The following GCA variants were observed in gnomAD, a reference collection of about 807,000 sequenced individuals.
GCA encodes the protein grancalcin, EF-hand calcium-binding protein.
GCA carries 30 observed loss-of-function variants against 32.6 expected under a neutral mutation model. That is an observed-to-expected ratio of 0.92 (90% confidence interval 0.69 to 1.25). The LOEUF (loss-of-function observed/expected upper bound fraction) is 1.25, where lower values mean the gene tolerates loss of function less well. GCA is among the 50% of genes most tolerant of loss of function. GCA has a pLI of 0.00. For missense variants in GCA, 291 were observed against 266.8 expected (o/e 1.09, Z -0.63); for synonymous variants, 102 against 84.6 (o/e 1.21, Z -1.13).
At chr2:162,351,652 C>A (rs1486094821) in intron 2 of GCA, among the ~76,000 whole-genome samples, 2 of 152,014 alleles carry the variant, frequency 1.3e-5, no homozygotes, top group Non-Finnish European at 2.9e-5. Flanking sequence ...CCTCCTTGAT[C>A]CTTCATCATA....
chr2:162,348,893 T>C lies in GCA; in HGVS notation c.192+1151T>C, dbSNP rs13383182. Among the ~76,000 whole-genome samples, 1,165 of 152,198 alleles carry C rather than the reference T, an allele frequency of 7.7e-3. 12 individuals are homozygous for C. The highest frequency in any genetic ancestry group is 0.027 in the African/African-American group (1,108 of 41,552). ...AGAAGTATTGAGTAAATATTCAAGA[T>C]CGGAAGGAATACAATATTATAAGAT... On this transcript the variant is annotated intron_variant, in intron 2 of 7. Transcript: ENST00000437150.
At position 162,356,444 on chromosome 2, in the gene GCA, G is replaced by C; in HGVS notation, c.269G>C (p.Ser90Thr). Reference sequence around the variant, plus strand: ...TATTGAATATGTTTTACAGCCTTCAGTTTGGAAACCTGCAGAATTATGATT... The same window carrying C: ...TATTGAATATGTTTTACAGCCTTCACTTTGGAAACCTGCAGAATTATGATT... Reference protein sequence around the residue: ...SGINGTYSPFSLETCRIMIAM... With the variant: ...SGINGTYSPFTLETCRIMIAM... The change falls in exon 4 of 8, where the codon AGT becomes ACT. Residue 90 changes from serine to threonine, a missense_variant. Transcript: ENST00000437150. 1 of 1,561,372 alleles carries C rather than the reference G, an allele frequency of 6.4e-7. No homozygotes were observed. The highest frequency in any genetic ancestry group is 1.1e-5 in the South Asian group (1 of 89,714).
intron 1 of GCA, among the ~76,000 whole-genome samples, chr2:162,334,628 T>C (rs1485073985): frequency 6.6e-6 from 1 of 152,212 alleles, no homozygotes; most frequent in African/African-American, 2.4e-5. Flanking sequence ...AGCTAACCTC[T>C]AGCCACAGCA....
At chr2:162,368,975 T>C (rs1003828750) in intron 4 of GCA, among the ~76,000 whole-genome samples, 2 of 152,134 alleles carry the variant, frequency 1.3e-5, no homozygotes, top group African/African-American at 4.8e-5. Context: ...ATCATTGGAT[T>C]CAAATAAACT....
At chr2:162,327,836 A>T (rs1015564907) in intron 1 of GCA, among the ~76,000 whole-genome samples, 1 of 152,236 alleles carries the variant, frequency 6.6e-6, no homozygotes, top group Non-Finnish European at 1.5e-5. Flanking sequence ...ACTTAACATT[A>T]TAAAGAGATT....
chr2:162,333,070 C>G (rs1684152522), intron 1 of GCA, among the ~76,000 whole-genome samples: 1 of 152,082 alleles, frequency 6.6e-6, no homozygotes, highest in Non-Finnish European at 1.5e-5. Context: ...TAGACTGCCT[C>G]ATATTTATAT....
Position 162,344,258 on chromosome 2 carries a change from C to A in GCA, c.10C>A (p.Pro4Thr). The A allele has an allele frequency of 6.2e-7, 1 of 1,613,714 alleles. No homozygotes were observed. Among genetic ancestry groups the A allele is most frequent in the South Asian group, 1.1e-5 (1 of 91,084 alleles). MAYPGYGGGFGNFS... is the reference protein window; with the variant it reads MAYTGYGGGFGNFS... ...GCTCGTCCCGCTCGTCATGGCCTAC[C>A]CGGGATACGGAGGAGGGGTGAGTCC... The change falls in exon 1 of 8, where the codon CCG becomes ACG. Residue 4 changes from proline to threonine, a missense_variant. Physicochemically the swap from Pro to Thr is conservative, Grantham distance 38. Coordinates refer to ENST00000437150, the MANE Select transcript of GCA (RefSeq NM_012198.5).
downstream of GCA, among the ~76,000 whole-genome samples, chr2:162,375,023 C>G (rs1415127107): frequency 6.6e-6 from 1 of 152,154 alleles, no homozygotes; most frequent in Non-Finnish European, 1.5e-5. Flanking sequence ...ATGTGTTATA[C>G]ATATTTTTCT....
In GCA at chr2:162,347,716, A is replaced by G. The variant is rs767881330; in HGVS notation, c.166A>G (p.Thr56Ala). The G allele has an allele frequency of 1.1e-5, 17 of 1,583,412 alleles. No individual in the cohort carries two copies. In the East Asian group the frequency reaches 2.3e-4, roughly 21 times the overall value. The change falls in exon 2 of 8, where the codon ACT (threonine) becomes GCT (alanine). Residue 56 changes from threonine to alanine, a missense_variant. Physicochemically the swap from Thr to Ala is moderately conservative, Grantham distance 58 (BLOSUM62 0). Coordinates refer to ENST00000437150, the MANE Select transcript of GCA (RefSeq NM_012198.5). The part of the protein sequence containing the change: ...TYSSAGDSVY[T>A]YFSAVAGQDG... Reference sequence around the variant, plus strand: ...TTCCTCAGCTGGTGACTCCGTGTATACTTACTTCAGTGCTGTTGCTGGACA... The same window carrying G: ...TTCCTCAGCTGGTGACTCCGTGTATGCTTACTTCAGTGCTGTTGCTGGACA...
intron 1 of GCA, among the ~76,000 whole-genome samples, chr2:162,322,999 G>A (rs1251935263): frequency 2.6e-5 from 4 of 151,860 alleles, no homozygotes; most frequent in African/African-American, 9.7e-5. Context: ...TTCCACAATG[G>A]TTGAACTAGT....
downstream of GCA, among the ~76,000 whole-genome samples, chr2:162,366,561 T>C (rs1576308070): frequency 6.6e-6 from 1 of 152,024 alleles, no homozygotes; most frequent in East Asian, 1.9e-4. Context: ...CAAATGCATG[T>C]GAGGAATTAT....
At chr2:162,360,104 C>G (rs1051099400) in intron 7 of GCA, 113 bp from the exon 8 acceptor site, 9 of 651,802 alleles carry the variant, frequency 1.4e-5, no homozygotes, top group Non-Finnish European at 2.4e-5. Context: ...GAATTATAAG[C>G]CTTGGAAACA....
chr2:162,339,378 A>T (rs13432094), upstream of GCA, among the ~76,000 whole-genome samples: 10,590 of 152,158 alleles, frequency 0.07, 696 homozygotes, highest in East Asian at 0.29. Flanking sequence ...TATGTTAAGG[A>T]ATATTGGAAA....
At chr2:162,323,396 G>A (rs901020848) in intron 1 of GCA, among the ~76,000 whole-genome samples, 4 of 151,854 alleles carry the variant, frequency 2.6e-5, no homozygotes, top group African/African-American at 9.7e-5. Flanking sequence ...TTGCTGTGCA[G>A]AAGCTCTTTA....
intron 1 of GCA, among the ~76,000 whole-genome samples, chr2:162,325,201 G>C (rs1215170736): frequency 6.6e-6 from 1 of 152,184 alleles, no homozygotes; most frequent in African/African-American, 2.4e-5. Flanking sequence ...GGTAACTGTT[G>C]TTGCCATATC....
At position 162,322,414 on chromosome 2, in the gene GCA, T is replaced by TTTATTTATTA. The variant is rs1354078926; in HGVS notation, c.-31+3194_-31+3195insTATTATTATT. Among the ~76,000 whole-genome samples the TTTATTTATTA allele has an allele frequency of 1.9e-3, 249 of 128,682 alleles. 3 individuals are homozygous for TTTATTTATTA. Among genetic ancestry groups the TTTATTTATTA allele is most frequent in the African/African-American group, 8.5e-3 (228 of 26,796 alleles). The allele number at this position is 128,682 out of a possible 152,430, so 84.4% of individuals were successfully genotyped here. A position where few individuals can be genotyped will look rare whatever the true frequency, so the allele number is the denominator to read the frequency against. On this transcript the variant is annotated intron_variant, in intron 1 of 4. Coordinates refer to the GCA transcript ENST00000429691. ...ATTTATTTATTTATTTATTTATTTA[T>TTTATTTATTA]TTATTATTATACTTTAAGTTTTAGG...
chr2:162,328,263 G>A (rs1683959983), intron 1 of GCA, among the ~76,000 whole-genome samples: 1 of 151,006 alleles, frequency 6.6e-6, no homozygotes, highest in Admixed American at 6.6e-5. Context: ...ATGGTGGCAT[G>A]TGCCTGTAAT....
upstream of GCA, chr2:162,344,107 G>T: frequency 1.2e-6 from 1 of 821,960 alleles, no homozygotes; most frequent in Non-Finnish European, 2.0e-6. Context: ...AAGGGGGCGG[G>T]TTCGGAGGAG....
At chr2:162,321,335 T>C (rs1360530334) in intron 1 of GCA, among the ~76,000 whole-genome samples, 1 of 152,216 alleles carries the variant, frequency 6.6e-6, no homozygotes, top group Non-Finnish European at 1.5e-5. Flanking sequence ...TGCTGAACTA[T>C]GTATTTTCCC....
Sources: allele counts gnomAD v4.1 joint callset (sites outside exome capture counted in the v4.1 genomes callset), GRCh38; gene constraint gnomAD v4.1.1; transcripts MANE v1.5; gene names NCBI Gene and HGNC (gene_info 2026-07-23, HGNC 2026-07-21).